P2RX5: variants seen among roughly 807,000 people sequenced by gnomAD.
P2RX5 encodes the protein P2X purinoceptor 5.
A neutral mutation model predicts 54.1 loss-of-function variants in P2RX5; 46 were observed. The observed-to-expected ratio is 0.85, with a 90% CI of 0.67 to 1.09. P2RX5 has a LOEUF of 1.09. P2RX5 is among the 50% of genes least tolerant of loss of function. P2RX5 has a pLI of 0.00. For missense variants in P2RX5, 566 were observed against 549.8 expected (o/e 1.03, Z -0.29); for synonymous variants, 226 against 226.4 (o/e 1.00, Z 0.02).
At position 3,690,509 on chromosome 17, in the gene P2RX5, G is replaced by C. The variant is rs749290575; in HGVS notation, c.451C>G (p.Arg151Gly). ...GCCAAGTTCTCTCTCCGCAGGCAGC[G>C]GCCGGTCTTCACTCCTGCAGGGGTG... ...VTAGNGVKTG[R>G]CLRRENLARG... The change falls in exon 5 of 12, where the codon CGC (arginine) becomes GGC (glycine). Residue 151 changes from arginine (R) to glycine (G), a missense_variant. Coordinates refer to ENST00000225328, the MANE Select transcript of P2RX5 (RefSeq NM_002561.4). The C allele has an allele frequency of 1.2e-6, 2 of 1,613,570 alleles. No individual in the cohort carries two copies. Among genetic ancestry groups the C allele is most frequent in the Non-Finnish European group, 8.5e-7 (1 of 1,179,918 alleles).
the P2RX5 span, among the ~76,000 whole-genome samples, chr17:3,715,548 T>A: frequency 6.6e-6 from 1 of 152,074 alleles, no homozygotes. Flanking sequence ...ATTTAGGGAA[T>A]AGTTTGACTT....
At chr17:3,682,421 T>G in intron 9 of P2RX5, 2 of 278,922 alleles carry the variant, frequency 7.2e-6, no homozygotes, top group South Asian at 3.6e-5. Context: ...TATTCAGTCC[T>G]TAAGGACTAA....
At chr17:3,710,694 G>A in the P2RX5 span, among the ~76,000 whole-genome samples, 2 of 151,960 alleles carry the variant, frequency 1.3e-5, no homozygotes, top group South Asian at 4.2e-4. Flanking sequence ...TTGGGAAGCC[G>A]AGGTGAGCGG....
At chr17:3,683,125 C>T (rs1366640009) in intron 9 of P2RX5, among the ~76,000 whole-genome samples, 1 of 152,130 alleles carries the variant, frequency 6.6e-6, no homozygotes, top group South Asian at 2.1e-4. Flanking sequence ...GCCCTACGGA[C>T]CAGAGCGATG....
chr17:3,701,419 G>A, the P2RX5 span, among the ~76,000 whole-genome samples: 585 of 152,254 alleles, frequency 3.8e-3, 5 homozygotes, highest in African/African-American at 0.013. Context: ...AAGTCCGGGC[G>A]TGATGGCTCA....
At chr17:3,700,104 C>A (rs1381519499), upstream of P2RX5, among the ~76,000 whole-genome samples, 1 of 152,192 alleles carries the variant, frequency 6.6e-6, no homozygotes, top group Admixed American at 6.5e-5. Flanking sequence ...AAAACACTTA[C>A]AAGCTGTGGC....
upstream of P2RX5, among the ~76,000 whole-genome samples, chr17:3,699,576 G>A (rs1258665431): frequency 3.3e-5 from 5 of 151,950 alleles, no homozygotes; most frequent in African/African-American, 9.7e-5. Context: ...GGAGGCCGAG[G>A]CAGGTAGATC....
the P2RX5 span, chr17:3,723,394 G>A: frequency 6.3e-7 from 1 of 1,578,526 alleles, no homozygotes; most frequent in Non-Finnish European, 8.7e-7. Context: ...CTGGAAAAGC[G>A]AGGTCTAGTG....
At chr17:3,699,261 C>T (rs981539376), upstream of P2RX5, among the ~76,000 whole-genome samples, 1 of 151,822 alleles carries the variant, frequency 6.6e-6, no homozygotes, top group African/African-American at 2.4e-5. Context: ...TGGATGTGGT[C>T]GTGCACACTT....
intron 2 of P2RX5, 33 bp downstream of exon 2, chr17:3,691,611 A>C (rs1404790997): frequency 6.2e-7 from 1 of 1,613,500 alleles, no homozygotes; most frequent in Non-Finnish European, 8.5e-7. Flanking sequence ...AGTCCCTGCC[A>C]GCCTTGGCCG....
At chr17:3,705,982 G>A in the P2RX5 span, among the ~76,000 whole-genome samples, 1 of 151,008 alleles carries the variant, frequency 6.6e-6, no homozygotes, top group Non-Finnish European at 1.5e-5. Flanking sequence ...TTAAGACAGA[G>A]TCTCACTCTG....
chr17:3,690,551 A>G, intron 4 of P2RX5, 28 bp from the exon 5 acceptor site: 1 of 1,611,978 alleles, frequency 6.2e-7, no homozygotes. Context: ...GATCAATGCC[A>G]GGAGCCTCCC....
At chr17:3,690,717 C>T in intron 3 of P2RX5, 37 bp from the exon 4 acceptor site, 1 of 1,601,108 alleles carries the variant, frequency 6.2e-7, no homozygotes, top group Non-Finnish European at 8.5e-7. Context: ...TGGGGGGGTT[C>T]CCCCAGCTCA....
chr17:3,676,097 C>G (rs1366630136), intron 11 of P2RX5: 2 of 985,336 alleles, frequency 2.0e-6, no homozygotes. Flanking sequence ...AGCACTGGGA[C>G]TGGTTGAGTG....
At position 3,673,383 on chromosome 17, in the gene P2RX5, A is replaced by G; in HGVS notation, c.*485T>C. The stretch of plus-strand genomic sequence containing the variant: ...CTGGCAGGAAGGTGGTGTCTTTAGG[A>G]GAGAGAGTACTTGGATCCACTGGAG... On this transcript the variant is annotated 3_prime_UTR_variant, in exon 12 of 12. Transcript: ENST00000225328. 9.7e-7 allele frequency: 1 copy of G among 1,034,914 alleles called. No homozygotes were observed. The highest frequency in any genetic ancestry group is 1.2e-6 in the Non-Finnish European group (1 of 859,086). 64.1% of individuals were successfully genotyped at this position (1,034,914 alleles called of 1,614,324 possible).
intron 1 of P2RX5, among the ~76,000 whole-genome samples, 164 bp downstream of exon 1, chr17:3,695,705 C>A (rs1016979510): frequency 1.3e-5 from 2 of 152,128 alleles, no homozygotes; most frequent in Non-Finnish European, 2.9e-5. Flanking sequence ...ACTCCTACAC[C>A]CAAGGACCCA....
the P2RX5 span, among the ~76,000 whole-genome samples, chr17:3,702,926 G>A: frequency 6.6e-6 from 1 of 152,132 alleles, no homozygotes; most frequent in African/African-American, 2.4e-5. Flanking sequence ...GGGACATCCT[G>A]GTCTGCTCTG....
chr17:3,699,917 G>GGAAGGAAAGAAAGAAA (rs1555571319), upstream of P2RX5, among the ~76,000 whole-genome samples: 12 of 75,502 alleles, frequency 1.6e-4, no homozygotes, highest in Admixed American at 5.0e-4. Context: ...AAGGAAGGAA[G>GGAAGGAAAGAAAGAAA]GAAAGAAAGA....
intron 1 of P2RX5, 25 bp downstream of exon 1, chr17:3,695,844 T>A: frequency 6.2e-7 from 1 of 1,606,064 alleles, no homozygotes; most frequent in Non-Finnish European, 8.5e-7. Flanking sequence ...TCCCCCGCCT[T>A]CCCAAAAGTC....
Sources: gnomAD v4.1 joint callset for allele counts (sites outside exome capture counted in the v4.1 genomes callset) on GRCh38, gnomAD v4.1.1 for gene constraint, MANE v1.5 for transcripts, NCBI Gene and HGNC (gene_info 2026-07-23, HGNC 2026-07-21) for gene names.